Variants in SEPTIN10 observed in about 807,000 individuals in gnomAD.
The protein encoded by SEPTIN10 is septin 10.
SEPTIN10 carries 66 observed loss-of-function variants against 54.8 expected under a neutral mutation model. The observed-to-expected ratio is 1.21, with a 90% confidence interval of 0.99 to 1.48. The LOEUF (loss-of-function observed/expected upper bound fraction) is 1.48. SEPTIN10 is among the 40% of genes most tolerant of loss of function. SEPTIN10 has a pLI of 0.00. For synonymous variants in SEPTIN10, 161 were observed against 181.0 expected, an observed-to-expected ratio of 0.89 and a Z score of 0.89; for missense variants, 620 against 545.6, an observed-to-expected ratio of 1.14 and a Z score of -1.36.
intron 4 of SEPTIN10, 101 bp from the exon 5 acceptor site, chr2:109,574,868 A>T (rs774070846): frequency 3.4e-5 from 26 of 758,442 alleles, no homozygotes; most frequent in Non-Finnish European, 4.9e-5. Context: ...ACTAATTAAT[A>T]AACAGTTAAT....
intron 8 of SEPTIN10, among the ~76,000 whole-genome samples, chr2:109,563,466 T>A (rs1686174478): frequency 6.6e-6 from 1 of 152,148 alleles, no homozygotes. Context: ...TAAGAGAGTT[T>A]AAAATAGCAC....
intron 4 of SEPTIN10, among the ~76,000 whole-genome samples, chr2:109,577,195 T>C (rs1233907433): frequency 6.6e-6 from 1 of 152,168 alleles, no homozygotes; most frequent in Non-Finnish European, 1.5e-5. Flanking sequence ...CAACCCAGAA[T>C]TGTACATCCA....
At chr2:109,551,058 C>T (rs957204245) in intron 9 of SEPTIN10, among the ~76,000 whole-genome samples, 2 of 152,182 alleles carry the variant, frequency 1.3e-5, no homozygotes, top group African/African-American at 4.8e-5. Flanking sequence ...ATCCGTCTGT[C>T]ATATGCAACA....
Position 109,613,629 on chromosome 2 carries a change from G to A in SEPTIN10, c.30+169C>T, listed in dbSNP as rs1699789935. On this transcript the variant is annotated intron_variant, in intron 1 of 10. Transcript: ENST00000397712. ...CAGGCTCCGCAGAGGCTCCTCTCCCGCCCCAGGCGCCCGGCCGCCGCGGAA... is the reference window on the plus strand; with the variant it reads ...CAGGCTCCGCAGAGGCTCCTCTCCCACCCCAGGCGCCCGGCCGCCGCGGAA... 7.7e-6 allele frequency: 3 copies of A among 389,906 alleles called. No individual in the cohort carries two copies. In the South Asian group the frequency reaches 3.8e-4, roughly 49 times the overall value. 24.2% of individuals were successfully genotyped at this position (389,906 alleles called of 1,614,324 possible).
chr2:109,602,103 C>T (rs1472367155), intron 1 of SEPTIN10, among the ~76,000 whole-genome samples: 3 of 152,168 alleles, frequency 2.0e-5, no homozygotes, highest in African/African-American at 7.2e-5. Flanking sequence ...AGGGTTCCAA[C>T]AGCGGCACAG....
chr2:109,584,215 G>A (rs114343735), intron 4 of SEPTIN10, among the ~76,000 whole-genome samples: 4,575 of 152,132 alleles, frequency 0.03, 77 homozygotes, highest in South Asian at 0.076. Flanking sequence ...AGTTGCTCAC[G>A]CCTGTAATCC....
intron 7 of SEPTIN10, 58 bp downstream of exon 7, chr2:109,565,705 G>C (rs1686821481): frequency 7.3e-7 from 1 of 1,378,780 alleles, no homozygotes; most frequent in East Asian, 2.3e-5. Flanking sequence ...AGGCATGACA[G>C]GTAGCTTTGA....
intron 9 of SEPTIN10, chr2:109,552,801 G>T: frequency 2.1e-5 from 6 of 279,580 alleles, no homozygotes; most frequent in Non-Finnish European, 4.0e-5. Context: ...AAAGAAAAAT[G>T]TGTGCACCCA....
intron 4 of SEPTIN10, among the ~76,000 whole-genome samples, chr2:109,575,992 C>T (rs936050269): frequency 1.3e-5 from 2 of 152,092 alleles, no homozygotes; most frequent in African/African-American, 4.8e-5. Flanking sequence ...CTCAGTGGCT[C>T]ACATCTGTAA....
intron 2 of SEPTIN10, among the ~76,000 whole-genome samples, chr2:109,587,079 G>T (rs1362095431): frequency 6.6e-6 from 1 of 152,184 alleles, no homozygotes; most frequent in Non-Finnish European, 1.5e-5. Flanking sequence ...TGTTTAATTA[G>T]CAGGTAAGAA....
intron 9 of SEPTIN10, among the ~76,000 whole-genome samples, chr2:109,551,507 G>A (rs1451679450): frequency 2.0e-5 from 3 of 152,134 alleles, no homozygotes; most frequent in Non-Finnish European, 4.4e-5. Context: ...AAAAAGGAAC[G>A]ATTTTGAAAG....
Position 109,567,874 on chromosome 2 carries a change from G to C in SEPTIN10, c.703C>G (p.Gln235Glu). ...LMSELVSNGV[Q>E]IYQFPTDDDT... ...TCATCCGTTGGGAACTGGTATATCT[G>C]GACGCCATTGCTGACCAATTCACTC... The change falls in exon 6 of 11, where the codon CAG becomes GAG. Residue 235 changes from glutamine (Q) to glutamate (E), a missense_variant. Gln to Glu is a conservative substitution (Grantham distance 29). Coordinates refer to ENST00000397712, the MANE Select transcript of SEPTIN10 (RefSeq NM_144710.5). The C allele has an allele frequency of 6.2e-7, 1 of 1,613,890 alleles. No homozygotes were observed. The highest frequency in any genetic ancestry group is 8.5e-7 in the Non-Finnish European group (1 of 1,179,902).
intron 8 of SEPTIN10, among the ~76,000 whole-genome samples, chr2:109,563,100 G>A (rs576674033): frequency 1.3e-5 from 2 of 152,104 alleles, no homozygotes; most frequent in East Asian, 1.9e-4. Flanking sequence ...TAGTAAAGAC[G>A]GGGTTTCACC....
At chr2:109,567,720 G>A in intron 6 of SEPTIN10, 95 bp downstream of exon 6, 1 of 1,185,036 alleles carries the variant, frequency 8.4e-7, no homozygotes, top group Non-Finnish European at 1.1e-6. Context: ...CTTTTTGGAA[G>A]ACACAAGTGA....
intron 8 of SEPTIN10, among the ~76,000 whole-genome samples, chr2:109,553,582 G>C (rs1224401418): frequency 1.3e-5 from 2 of 148,926 alleles, no homozygotes; most frequent in Admixed American, 1.3e-4. Flanking sequence ...GCCTGGCCTG[G>C]TGGCTCACGC....
rs192821106 is a variant in SEPTIN10, at chr2:109,610,576, C to T, written c.30+3222G>A. 4.1e-3 allele frequency among the ~76,000 whole-genome samples: 629 copies of T among 152,136 alleles called. 6 individuals carry two copies. Among genetic ancestry groups the T allele is most frequent in the African/African-American group, 0.014 (585 of 41,520 alleles). The stretch of plus-strand genomic sequence containing the variant: ...CTAAAAATACAAAAAATTAGCCGGG[C>T]GTGGTGGCACATGCCTGTAATCCCA... On this transcript the variant is annotated intron_variant, in intron 1 of 10. Transcript: ENST00000397712.
chr2:109,591,235 T>C (rs1049592553), intron 2 of SEPTIN10, among the ~76,000 whole-genome samples: 28 of 152,250 alleles, frequency 1.8e-4, no homozygotes, highest in Non-Finnish European at 1.6e-4. Context: ...AAAGTTGTTA[T>C]CTGATAGGCA....
At chr2:109,599,458 CAAA>C (rs55670927) in intron 1 of SEPTIN10, among the ~76,000 whole-genome samples, 2 of 63,298 alleles carry the variant, frequency 3.2e-5, no homozygotes, top group Non-Finnish European at 3.1e-5. Flanking sequence ...ACTCAGTCTC[CAAA>C]AAAAAAAAAA....
Position 109,559,967 on chromosome 2 carries a change from C to A in SEPTIN10, c.1028+4399G>T, listed in dbSNP as rs557664144. On this transcript the variant is annotated intron_variant, in intron 8 of 10. Coordinates refer to ENST00000397712, the MANE Select transcript of SEPTIN10 (RefSeq NM_144710.5). ...ATGGGGTCTCGCTCTGTCACCCAGGCTGGAGTGCAGTGGCATGATCTTGGC... is the reference window on the plus strand; with the variant it reads ...ATGGGGTCTCGCTCTGTCACCCAGGATGGAGTGCAGTGGCATGATCTTGGC... 1.9e-3 allele frequency among the ~76,000 whole-genome samples: 268 copies of A among 140,304 alleles called. 1 individual carries two copies. Among genetic ancestry groups the A allele is most frequent in the South Asian group, 8.1e-3 (36 of 4,422 alleles). The allele number at this position is 140,304 out of a possible 152,430, so 92.0% of individuals were successfully genotyped here.
Sources: allele counts gnomAD v4.1 joint callset (sites outside exome capture counted in the v4.1 genomes callset), GRCh38; gene constraint gnomAD v4.1.1; transcripts MANE v1.5; gene names NCBI Gene and HGNC (gene_info 2026-07-23, HGNC 2026-07-21).